The following ELAC2 variants were observed in gnomAD, a reference collection of about 807,000 sequenced individuals.
ELAC2 encodes elaC ribonuclease Z 2, also known as zinc phosphodiesterase ELAC protein 2.
ELAC2 carries 92 observed loss-of-function variants against 105.2 expected under a neutral mutation model. That is an observed-to-expected ratio of 0.87 (90% confidence interval 0.74 to 1.04). The LOEUF is 1.04. ELAC2 is among the 50% of genes least tolerant of loss of function. The probability of loss-of-function intolerance (pLI) is 0.00; values close to 1 mark genes in which losing one functional copy is unlikely to be tolerated. For synonymous variants in ELAC2, 468 were observed against 409.1 expected (o/e 1.14, Z -1.74); for missense variants, 1,099 against 1,071.7 (o/e 1.03, Z -0.36).
At position 12,994,833 on chromosome 17, in the gene ELAC2, C is replaced by G; in HGVS notation, c.1960G>C (p.Val654Leu). The change falls in exon 21 of 24, where the codon GTG becomes CTG. Residue 654 changes from valine (V) to leucine (L), a missense_variant. Val to Leu is a conservative substitution (Grantham distance 32). Transcript: ENST00000338034. ...HCKHAFGCALVHTSGWKVVYS... is the reference protein window; with the variant it reads ...HCKHAFGCALLHTSGWKVVYS... ...ACCACTTTCCAGCCAGAGGTGTGCA[C>G]CAGCGCACAGCCAAACGCATGCTTG... is the stretch of plus-strand genomic sequence containing the variant. The G allele has an allele frequency of 6.2e-7, 1 of 1,614,080 alleles. No homozygotes were observed. Among genetic ancestry groups the G allele is most frequent in the South Asian group, 1.1e-5 (1 of 91,084 alleles).
chr17:12,999,062 G>A (rs35683704), intron 15 of ELAC2, among the ~76,000 whole-genome samples: 4,567 of 152,250 alleles, frequency 0.03, 86 homozygotes, highest in Non-Finnish European at 0.045. Context: ...CCCAGGAGGG[G>A]GACTGGCAGG....
At chr17:13,000,393 A>G (rs2040721849) in intron 14 of ELAC2, 119 bp from the exon 15 acceptor site, 1 of 930,766 alleles carries the variant, frequency 1.1e-6, no homozygotes, top group Non-Finnish European at 1.7e-6. Context: ...CCTTCAGATC[A>G]ACACTGAAGG....
Position 13,009,937 on chromosome 17 carries a change from C to T in ELAC2, c.738+676G>A, listed in dbSNP as rs539159968. Among the ~76,000 whole-genome samples the T allele has an allele frequency of 2.8e-5, 4 of 142,048 alleles. No homozygotes were observed. In the South Asian group the frequency reaches 9.2e-4, roughly 33 times the overall value. 93.2% of individuals were successfully genotyped at this position (142,048 alleles called of 152,430 possible). ...CTGGGAGGTGGAGGCTGCAGTGAGC[C>T]GAGATTGTGCCACTGCACACTCCAG... On this transcript the variant is annotated intron_variant, in intron 8 of 23. Coordinates refer to ENST00000338034, the MANE Select transcript of ELAC2 (RefSeq NM_018127.7).
In ELAC2 at chr17:13,018,009, C is replaced by T; in HGVS notation, c.-62G>A. On this transcript the variant is annotated 5_prime_UTR_variant, in exon 1 of 24. It adds an upstream start codon to the 5' untranslated region. Transcript: ENST00000338034. ...CACCTACGCCCGCGTTTCCCGTGCA[C>T]CACCTAGCCGCTCCGCATGGCGGAT... The T allele has an allele frequency of 1.3e-6, 2 of 1,532,962 alleles. No individual in the cohort carries two copies. Among genetic ancestry groups the T allele is most frequent in the South Asian group, 1.2e-5 (1 of 83,724 alleles). 95.0% of individuals were successfully genotyped at this position (1,532,962 alleles called of 1,614,324 possible).
intron 17 of ELAC2, chr17:12,996,304 A>G (rs1235583486): frequency 1.5e-6 from 1 of 659,748 alleles, no homozygotes; most frequent in Non-Finnish European, 2.6e-6. Flanking sequence ...TTCAAGACTC[A>G]AGGAAGGCTG....
intron 15 of ELAC2, among the ~76,000 whole-genome samples, chr17:12,999,760 G>C (rs139836422): frequency 6.6e-6 from 1 of 152,022 alleles, no homozygotes; most frequent in East Asian, 1.9e-4. Context: ...CCGGGTTCTC[G>C]CCATTCTCCT....
rs757606286 is a variant in ELAC2, at chr17:12,993,723, G to A, written c.2217C>T (p.Phe739=). Residue 739 remains phenylalanine, a synonymous_variant, in exon 23 of 24, where the codon TTC becomes TTT. Transcript: ENST00000338034. ...CAAAGGCAACTCCCACTTTCTCGCT[G>A]AAGTTGGGGCTGAAGAGGGGGACCT... ...YAKVPLFSPN[F]SEKVGVAFDH... The A allele has an allele frequency of 6.2e-7, 1 of 1,614,200 alleles. No homozygotes were observed. The highest frequency in any genetic ancestry group is 8.5e-7 in the Non-Finnish European group (1 of 1,180,030).
intron 7 of ELAC2, 148 bp downstream of exon 7, chr17:13,011,515 C>G (rs73981621): frequency 7.4e-7 from 1 of 1,348,796 alleles, no homozygotes; most frequent in African/African-American, 1.4e-5. Context: ...TCTCATTCCC[C>G]CAACGGGCCA....
Position 13,011,790 on chromosome 17 carries a change from G to GT in ELAC2, c.560-9dup. Reference sequence around the variant, plus strand: ...TTCCCCTCCTCTGTTCACCTGGTCAGTACAGATACCACCAAATTACACACT... The same window carrying GT: ...TTCCCCTCCTCTGTTCACCTGGTCAGTTACAGATACCACCAAATTACACACT... On this transcript the variant is annotated splice_polypyrimidine_tract_variant and intron_variant, in intron 6 of 23. Transcript: ENST00000338034. 1 of 1,614,144 alleles carries GT rather than the reference G, an allele frequency of 6.2e-7. No individual in the cohort carries two copies. Among genetic ancestry groups the GT allele is most frequent in the Non-Finnish European group, 8.5e-7 (1 of 1,180,040 alleles).
Position 13,004,973 on chromosome 17 carries a change from A to C in ELAC2, c.983+16T>G. 54 of 1,590,342 alleles carry C rather than the reference A, an allele frequency of 3.4e-5. No individual in the cohort carries two copies. The highest frequency in any genetic ancestry group is 4.1e-5 in the Non-Finnish European group (47 of 1,158,564). On this transcript the variant is annotated intron_variant, in intron 11 of 23. Transcript: ENST00000338034. ...TTTCAGCTCTCACTTCTCCCACCCT[A>C]GAGACCCCTCATTACCTCTGAAAGG...
chr17:13,005,832 T>A lies in ELAC2; in HGVS notation c.798-7A>T. ...AGCGATGGCAGCTGTCCCACTGAAA[T>A]GAAGAGGCAAGGCCTCTGTGAAATG... is the stretch of plus-strand genomic sequence containing the variant. On this transcript the variant is annotated splice_polypyrimidine_tract_variant and splice_region_variant and intron_variant, in intron 9 of 23. Transcript: ENST00000338034. 3 of 1,614,146 alleles carry A rather than the reference T, an allele frequency of 1.9e-6. No homozygotes were observed. The highest frequency in any genetic ancestry group is 2.5e-6 in the Non-Finnish European group (3 of 1,180,028).
chr17:12,994,758 A>G lies in ELAC2; in HGVS notation c.2029+6T>C. ...CTCAGGGTGGCTTGCTTCTTCCTCTACTCACCCATCCGGACCAGAGCCTCG... is the reference window on the plus strand; with the variant it reads ...CTCAGGGTGGCTTGCTTCTTCCTCTGCTCACCCATCCGGACCAGAGCCTCG... On this transcript the variant is annotated splice_donor_region_variant and intron_variant, in intron 21 of 23. Transcript: ENST00000338034. The G allele has an allele frequency of 1.2e-6, 2 of 1,613,454 alleles. No homozygotes were observed. The highest frequency in any genetic ancestry group is 1.7e-6 in the Non-Finnish European group (2 of 1,179,928).
rs149909119 is a variant in ELAC2 at position 13,003,864 on chromosome 17, A to T, written c.984-290T>A. On this transcript the variant is annotated intron_variant, in intron 11 of 23. Coordinates refer to ENST00000338034, the MANE Select transcript of ELAC2 (RefSeq NM_018127.7). ...CACTTCCTTCCTACCCTCTCCACTCATACGGGTCCAACCTGCAAAGCCAGA... is the reference window on the plus strand; with the variant it reads ...CACTTCCTTCCTACCCTCTCCACTCTTACGGGTCCAACCTGCAAAGCCAGA... 360 of 422,140 alleles carry T rather than the reference A, an allele frequency of 8.5e-4. 2 individuals carry two copies. The highest frequency in any genetic ancestry group is 3.2e-4 in the Non-Finnish European group (71 of 224,862). The allele number at this position is 422,140 out of a possible 1,614,324, so 26.1% of individuals were successfully genotyped here.
rs765833496 is a variant in ELAC2, at chr17:12,995,828, C to G, written c.1699-16G>C. 6.2e-7 allele frequency: 1 copy of G among 1,602,962 alleles called. No homozygotes were observed. The highest frequency in any genetic ancestry group is 2.3e-5 in the East Asian group (1 of 44,374). The stretch of plus-strand genomic sequence containing the variant: ...CCAAAGATGCCTGGAACAAAAAATG[C>G]AAGTGCCGACTCGACGACAGAACAT... On this transcript the variant is annotated splice_polypyrimidine_tract_variant and intron_variant, in intron 18 of 23. Coordinates refer to ENST00000338034, the MANE Select transcript of ELAC2 (RefSeq NM_018127.7).
intron 17 of ELAC2, chr17:12,996,186 G>C: frequency 1.5e-6 from 1 of 685,578 alleles, no homozygotes. Context: ...CCCGTGCTGG[G>C]AAGAGGGCAA....
chr17:13,015,763 C>T lies in ELAC2; in HGVS notation c.432+5G>A, dbSNP rs1429960564. On this transcript the variant is annotated splice_donor_5th_base_variant and intron_variant, in intron 4 of 23. Coordinates refer to ENST00000338034, the MANE Select transcript of ELAC2 (RefSeq NM_018127.7). ...CTTTTGAAAGATGTGTCAGGAAAGA[C>T]TCACCAGTTGTGGAGGTCCAGAAAG... The T allele has an allele frequency of 6.2e-7, 1 of 1,612,086 alleles. No individual in the cohort carries two copies. Among genetic ancestry groups the T allele is most frequent in the South Asian group, 1.1e-5 (1 of 91,044 alleles).
intron 14 of ELAC2, 87 bp from the exon 15 acceptor site, chr17:13,000,361 G>C (rs1451019120): frequency 1.6e-6 from 2 of 1,241,940 alleles, no homozygotes; most frequent in Non-Finnish European, 2.4e-6. Context: ...AATAAATTCA[G>C]GGGGACAATC....
At chr17:13,005,709 G>T in intron 10 of ELAC2, 44 bp downstream of exon 10, 1 of 1,599,970 alleles carries the variant, frequency 6.3e-7, no homozygotes, top group South Asian at 1.1e-5. Flanking sequence ...CAGCATTTCA[G>T]ACCCTACCTG....
rs1365154419 is a variant in ELAC2, at chr17:13,002,436, A to G, written c.1218+5T>C. The G allele has an allele frequency of 1.9e-6, 3 of 1,613,450 alleles. No individual in the cohort carries two copies. The highest frequency in any genetic ancestry group is 1.7e-5 in the Admixed American group (1 of 59,882). ...GGCCGACAAGGGGCCGGTCTGAGAC[A>G]CTACCTTACAGCGGAAACTGGTGAG... On this transcript the variant is annotated splice_donor_5th_base_variant and intron_variant, in intron 13 of 23. Coordinates refer to ENST00000338034, the MANE Select transcript of ELAC2 (RefSeq NM_018127.7).
Sources: gnomAD v4.1 joint callset for allele counts (sites outside exome capture counted in the v4.1 genomes callset) on GRCh38, gnomAD v4.1.1 for gene constraint, MANE v1.5 for transcripts, NCBI Gene and HGNC (gene_info 2026-07-23, HGNC 2026-07-21) for gene names.